Variants in HIP1 observed in about 807,000 individuals in gnomAD.
The protein encoded by HIP1 is huntingtin-interacting protein 1.
In HIP1, 65 loss-of-function variants were observed where a neutral mutation model predicts 147.6. The observed-to-expected ratio is 0.44, with a 90% CI of 0.36 to 0.54. The LOEUF (loss-of-function observed/expected upper bound fraction) is 0.54. HIP1 is among the 20% of genes least tolerant of loss of function. The pLI is 0.00. For synonymous variants in HIP1, 479 were observed against 504.0 expected, an observed-to-expected ratio of 0.95 and a Z score of 0.67; for missense variants, 1,061 against 1,299.6, an observed-to-expected ratio of 0.82 and a Z score of 2.82.
intron 1 of HIP1, among the ~76,000 whole-genome samples, chr7:75,606,667 G>A (rs1408963387): frequency 6.6e-6 from 1 of 152,080 alleles, no homozygotes; most frequent in Non-Finnish European, 1.5e-5. Context: ...GTAAGAAAAG[G>A]ACCCGAAGGA....
In HIP1 at chr7:75,718,502, T is replaced by A. The variant is rs942711982; in HGVS notation, c.120+20299A>T. Among the ~76,000 whole-genome samples the A allele has an allele frequency of 3.3e-5, 5 of 152,228 alleles. No individual in the cohort carries two copies. The South Asian group carries it at 6.2e-4, about 19-fold the overall frequency. On this transcript the variant is annotated intron_variant, in intron 1 of 30. Coordinates refer to ENST00000336926, the MANE Select transcript of HIP1 (RefSeq NM_005338.7). ...TATTCGGTTCTGGTAACTCTGTACA[T>A]GTATACCTTTAATGAAAATAAAACG... is the stretch of plus-strand genomic sequence containing the variant.
At chr7:75,585,067 C>T (rs1796202995) in intron 5 of HIP1, among the ~76,000 whole-genome samples, 1 of 152,014 alleles carries the variant, frequency 6.6e-6, no homozygotes. Flanking sequence ...TCAGGCTGGT[C>T]TCCAACTCCT....
chr7:75,730,239 A>T (rs1419555234), intron 1 of HIP1, among the ~76,000 whole-genome samples: 1 of 152,190 alleles, frequency 6.6e-6, no homozygotes, highest in African/African-American at 2.4e-5. Flanking sequence ...CCCCAAGCAT[A>T]AGGAGGAAGA....
At chr7:75,657,526 CAAA>C (rs201991075) in intron 1 of HIP1, among the ~76,000 whole-genome samples, 9 of 66,644 alleles carry the variant, frequency 1.4e-4, no homozygotes, top group South Asian at 5.6e-4. Context: ...GACTTTGTCT[CAAA>C]AAAAAAAAAA....
At chr7:75,587,130 A>G (rs1311654812) in intron 4 of HIP1, among the ~76,000 whole-genome samples, 4 of 152,084 alleles carry the variant, frequency 2.6e-5, no homozygotes, top group African/African-American at 9.7e-5. Context: ...TGCTAGAGAT[A>G]TGGTTTCACC....
At chr7:75,544,997 A>G in intron 26 of HIP1, 91 bp downstream of exon 26, 1 of 850,104 alleles carries the variant, frequency 1.2e-6, no homozygotes, top group East Asian at 2.4e-5. Context: ...TTTCTAAGGG[A>G]CAGATTTTTT....
At chr7:75,719,099 C>A (rs1355803122) in intron 1 of HIP1, among the ~76,000 whole-genome samples, 1 of 151,912 alleles carries the variant, frequency 6.6e-6, no homozygotes, top group African/African-American at 2.4e-5. Flanking sequence ...GGGAGGATCG[C>A]TTGAGCCCAG....
intron 1 of HIP1, among the ~76,000 whole-genome samples, chr7:75,670,114 A>G (rs549020459): frequency 3.0e-5 from 3 of 99,890 alleles, no homozygotes; most frequent in African/African-American, 4.4e-5. Flanking sequence ...AAATTTTTTT[A>G]TTGTGATAAA....
intron 1 of HIP1, among the ~76,000 whole-genome samples, chr7:75,725,962 A>T (rs1037006026): frequency 6.6e-6 from 1 of 151,604 alleles, no homozygotes; most frequent in African/African-American, 2.4e-5. Context: ...CTGGGATTAC[A>T]GGCATGTACC....
intron 1 of HIP1, among the ~76,000 whole-genome samples, chr7:75,703,747 C>G (rs1800909193): frequency 6.6e-6 from 1 of 152,086 alleles, no homozygotes; most frequent in Admixed American, 6.6e-5. Context: ...AAAAATAAAA[C>G]AAAACATAAA....
intron 13 of HIP1, 85 bp downstream of exon 13, chr7:75,561,244 G>T: frequency 1.0e-6 from 1 of 997,632 alleles, no homozygotes; most frequent in Non-Finnish European, 1.6e-6. Flanking sequence ...GTGAGCCACT[G>T]TGCCTGGCTA....
At position 75,534,331 on chromosome 7, in the gene HIP1, G is replaced by A. The variant is rs1237738752; in HGVS notation, c.*3841C>T. 5 of 220,260 alleles carry A rather than the reference G, an allele frequency of 2.3e-5. No homozygotes were observed. The highest frequency in any genetic ancestry group is 4.5e-5 in the African/African-American group (2 of 44,574). 13.6% of individuals were successfully genotyped at this position (220,260 alleles called of 1,614,324 possible). On this transcript the variant is annotated 3_prime_UTR_variant, in exon 31 of 31. Coordinates refer to ENST00000336926, the MANE Select transcript of HIP1 (RefSeq NM_005338.7). The stretch of plus-strand genomic sequence containing the variant: ...GGATTTTAGGGGTACTGCTATGGAC[G>A]GCTGCATCAGCAGACAATCTAAACT...
At chr7:75,558,520 G>A (rs1196237581) in intron 14 of HIP1, among the ~76,000 whole-genome samples, 2 of 148,082 alleles carry the variant, frequency 1.4e-5, no homozygotes, top group East Asian at 3.9e-4. Context: ...GTAGAGACAG[G>A]GTCTCACTAT....
At chr7:75,609,960 T>C (rs1408124338) in intron 1 of HIP1, among the ~76,000 whole-genome samples, 58 of 150,272 alleles carry the variant, frequency 3.9e-4, no homozygotes, top group African/African-American at 1.3e-3. Context: ...TAGAGTGCAG[T>C]GGCACAATTT....
At chr7:75,544,446 A>G (rs1409000181) in intron 27 of HIP1, among the ~76,000 whole-genome samples, 1 of 151,278 alleles carries the variant, frequency 6.6e-6, no homozygotes, top group Non-Finnish European at 1.5e-5. Flanking sequence ...AACGTAGCCA[A>G]GTATTCTCTA....
intron 1 of HIP1, among the ~76,000 whole-genome samples, chr7:75,619,134 C>T (rs1797760319): frequency 6.6e-6 from 1 of 152,300 alleles, no homozygotes; most frequent in South Asian, 2.1e-4. Context: ...CCAAATTGGA[C>T]TCATTTGGGC....
intron 1 of HIP1, among the ~76,000 whole-genome samples, chr7:75,611,327 C>G (rs782522798): frequency 1.3e-5 from 2 of 151,952 alleles, no homozygotes; most frequent in Non-Finnish European, 2.9e-5. Flanking sequence ...AGTAGCCAGA[C>G]ATGGTGGTGC....
Position 75,556,724 on chromosome 7 carries a change from C to T in HIP1, c.1669G>A (p.Glu557Lys). 6.2e-7 allele frequency: 1 copy of T among 1,610,440 alleles called. No individual in the cohort carries two copies. ...GAGGTATTTACCTGGGCAGAAGTTT[C>T]CAGGCTGCCTTGCAGAACCTGAAGC... ...RELQVLQGSL[E>K]TSAQSEANWA... is the part of the protein sequence containing the mutation. Residue 557 changes from glutamate to lysine, a missense_variant, in exon 17 of 31, where the codon GAA (glutamate) becomes AAA (lysine). Glu to Lys is a moderately conservative substitution (Grantham distance 56). Around this residue, in one of 3 missense-constraint regions of HIP1, gnomAD observed 810 missense variants for 946.8 expected, o/e 0.86. Coordinates refer to ENST00000336926, the MANE Select transcript of HIP1 (RefSeq NM_005338.7).
intron 1 of HIP1, among the ~76,000 whole-genome samples, chr7:75,600,865 A>G (rs1796948271): frequency 6.6e-6 from 1 of 152,058 alleles, no homozygotes; most frequent in Non-Finnish European, 1.5e-5. Context: ...GGCTCTAGCG[A>G]TTCTCCTGCC....
Sources: gnomAD v4.1 joint callset for allele counts (sites outside exome capture counted in the v4.1 genomes callset) on GRCh38, gnomAD v4.1.1 for gene constraint, gnomAD v4.1.1 regional missense constraint, MANE v1.5 for transcripts, NCBI Gene and HGNC (gene_info 2026-07-23, HGNC 2026-07-21) for gene names.